Variants in NUMA1 observed in about 807,000 individuals in gnomAD.
NUMA1 encodes nuclear mitotic apparatus protein 1.
NUMA1 carries 62 observed loss-of-function variants against 237.1 expected under a neutral mutation model. The ratio of observed to expected loss-of-function variants is 0.26; its 90% CI spans 0.21 to 0.32. The LOEUF is 0.32. Among genes scored for constraint, NUMA1 ranks in the 10% least tolerant of loss-of-function variants. NUMA1 has a pLI of 1.00. For missense variants in NUMA1, 2,533 were observed against 2,666.5 expected, an observed-to-expected ratio of 0.95 and a Z score of 1.10; for synonymous variants, 1,028 against 1,066.1, an observed-to-expected ratio of 0.96 and a Z score of 0.70.
At chr11:72,079,327 G>C (rs866879612) in intron 1 of NUMA1, among the ~76,000 whole-genome samples, 1 of 152,264 alleles carries the variant, frequency 6.6e-6, no homozygotes, top group Middle Eastern at 3.4e-3. Context: ...CGGATCACGA[G>C]GTCAAGAGTT....
rs1956270927 is a variant in NUMA1 at position 72,013,271 on chromosome 11, G to A, written c.4232C>T (p.Pro1411Leu). 1 of 1,604,736 alleles carries A rather than the reference G, an allele frequency of 6.2e-7. No individual in the cohort carries two copies. The highest frequency in any genetic ancestry group is 8.5e-7 in the Non-Finnish European group (1 of 1,179,802). Residue 1411 changes from proline (P) to leucine (L), a missense_variant, in exon 15 of 27, where the codon CCT becomes CTT. Pro to Leu is a moderately conservative substitution (Grantham distance 98). Coordinates refer to ENST00000393695, the MANE Select transcript of NUMA1 (RefSeq NM_006185.4). The surrounding 1 kb of genome is among the most constrained non-coding windows in gnomAD (Gnocchi z 6.8). ...CTGCTCTGCCACCTTCTGCCGCAGAGGAATCAGCTCCCCAAGCTCCCGCTG... is the reference window on the plus strand; with the variant it reads ...CTGCTCTGCCACCTTCTGCCGCAGAAGAATCAGCTCCCCAAGCTCCCGCTG... ...RAQRELGELI[P>L]LRQKVAEQER...
chr11:72,051,802 C>A (rs1942377452), intron 2 of NUMA1, among the ~76,000 whole-genome samples: 1 of 152,090 alleles, frequency 6.6e-6, no homozygotes, highest in African/African-American at 2.4e-5. Flanking sequence ...AGTTTATAAT[C>A]TTGTAGAGGA....
At chr11:72,077,230 A>T (rs1307097017) in intron 1 of NUMA1, among the ~76,000 whole-genome samples, 1 of 152,244 alleles carries the variant, frequency 6.6e-6, no homozygotes, top group Non-Finnish European at 1.5e-5. Context: ...TTACACAATT[A>T]GTGAAAAGAT....
chr11:72,048,828 GGAT>G (rs1942151448), intron 2 of NUMA1, among the ~76,000 whole-genome samples: 1 of 152,174 alleles, frequency 6.6e-6, no homozygotes, highest in East Asian at 1.9e-4. Context: ...GTACTAGGAG[GGAT>G]GTTGGCAGTG....
In NUMA1 at chr11:72,014,980, T is replaced by G; in HGVS notation, c.2523A>C (p.Glu841Asp). Residue 841 changes from glutamate (E) to aspartate (D), a missense_variant, in exon 15 of 27, where the codon GAA (glutamate) becomes GAC (aspartate). This residue lies in a region of NUMA1 where 1,414 missense variants were observed against 1,508.1 expected (regional missense o/e 0.94). Coordinates refer to ENST00000393695, the MANE Select transcript of NUMA1 (RefSeq NM_006185.4). The surrounding 1 kb of genome is among the most constrained non-coding windows in gnomAD (Gnocchi z 4.6). ...FQEQLMTLKE[E>D]CEKARQELQE... Reference sequence around the variant, plus strand: ...GCAGCTCCTGGCGGGCCTTCTCACATTCCTCCTTCAAAGTCATCAGCTGTT... The same window carrying G: ...GCAGCTCCTGGCGGGCCTTCTCACAGTCCTCCTTCAAAGTCATCAGCTGTT... 5 of 1,613,984 alleles carry G rather than the reference T, an allele frequency of 3.1e-6. No homozygotes were observed. Among genetic ancestry groups the G allele is most frequent in the Non-Finnish European group, 4.2e-6 (5 of 1,179,996 alleles).
intron 1 of NUMA1, among the ~76,000 whole-genome samples, chr11:72,079,400 G>A (rs1484998387): frequency 1.3e-5 from 2 of 152,330 alleles, no homozygotes; most frequent in East Asian, 3.9e-4. Flanking sequence ...AGTTAGCCGG[G>A]TGTGGTAGCG....
chr11:72,056,601 T>C (rs1258663369), intron 2 of NUMA1, among the ~76,000 whole-genome samples: 1 of 131,700 alleles, frequency 7.6e-6, no homozygotes, highest in Non-Finnish European at 1.5e-5. Flanking sequence ...ATTACTGGCA[T>C]GAGCCATCGC....
In NUMA1 at chr11:72,014,606, G is replaced by C; in HGVS notation, c.2897C>G (p.Ala966Gly). 1 of 1,607,302 alleles carries C rather than the reference G, an allele frequency of 6.2e-7. No homozygotes were observed. Among genetic ancestry groups the C allele is most frequent in the Non-Finnish European group, 8.5e-7 (1 of 1,180,006 alleles). ...QGRQFCSTQAALQAMEREAEQ... is the reference protein window; with the variant it reads ...QGRQFCSTQAGLQAMEREAEQ... ...TGCCTCCCGCTCCATAGCCTGCAGC[G>C]CTGCCTGTGTGCTGCAGAACTGGCG... Residue 966 changes from alanine (A) to glycine (G), a missense_variant, in exon 15 of 27, where the codon GCG becomes GGG. Around this residue, in one of 3 missense-constraint regions of NUMA1, gnomAD observed 1,414 missense variants for 1,508.1 expected, o/e 0.94. Coordinates refer to ENST00000393695, the MANE Select transcript of NUMA1 (RefSeq NM_006185.4). This position sits in a 1 kb window ranked among gnomAD's most constrained non-coding sequence, Gnocchi z 4.6.
chr11:72,003,721 T>C, intron 26 of NUMA1, 166 bp downstream of exon 26: 1 of 972,562 alleles, frequency 1.0e-6, no homozygotes, highest in East Asian at 2.6e-5. Flanking sequence ...AATGGGGCCA[T>C]CTGTCTTCTC....
intron 3 of NUMA1, among the ~76,000 whole-genome samples, chr11:72,034,355 T>C (rs758345417): frequency 5.3e-5 from 8 of 152,084 alleles, no homozygotes; most frequent in Non-Finnish European, 8.8e-5. Flanking sequence ...TATTTTTTCA[T>C]GGTGCCAAGA....
intron 2 of NUMA1, among the ~76,000 whole-genome samples, chr11:72,037,725 C>T (rs1236958629): frequency 1.3e-5 from 2 of 152,144 alleles, no homozygotes; most frequent in Non-Finnish European, 2.9e-5. Context: ...AACATGATTC[C>T]ACATGTCATA....
At chr11:72,057,086 AAAAG>A (rs893131179) in intron 2 of NUMA1, among the ~76,000 whole-genome samples, 31 of 152,078 alleles carry the variant, frequency 2.0e-4, no homozygotes, top group Non-Finnish European at 3.1e-4. Flanking sequence ...AAAAAAAAAA[AAAAG>A]AAAGAAAGCA....
intron 4 of NUMA1, among the ~76,000 whole-genome samples, chr11:72,028,149 T>C (rs1939816657): frequency 6.6e-6 from 1 of 152,222 alleles, no homozygotes; most frequent in Non-Finnish European, 1.5e-5. Flanking sequence ...ACCTTGCTGA[T>C]AGAGAACACC....
intron 20 of NUMA1, 24 bp downstream of exon 20, chr11:72,008,664 T>C: frequency 6.2e-7 from 1 of 1,613,434 alleles, no homozygotes; most frequent in Non-Finnish European, 8.5e-7. Context: ...TAAACAGACA[T>C]AGGGAGGAAG....
chr11:72,020,083 G>C (rs1018222337), intron 8 of NUMA1, among the ~76,000 whole-genome samples: 1 of 152,176 alleles, frequency 6.6e-6, no homozygotes, highest in South Asian at 2.1e-4. Flanking sequence ...TTCTCTTTCC[G>C]TGGTTTCCGT....
At chr11:72,053,995 G>A (rs890149592) in intron 2 of NUMA1, among the ~76,000 whole-genome samples, 3 of 152,252 alleles carry the variant, frequency 2.0e-5, no homozygotes, top group African/African-American at 2.4e-5. Context: ...ATTTTATATA[G>A]AGACTTGAGC....
chr11:72,004,920 G>T, intron 23 of NUMA1, 104 bp from the exon 24 acceptor site: 1 of 1,158,654 alleles, frequency 8.6e-7, no homozygotes, highest in Non-Finnish European at 1.2e-6. Flanking sequence ...TTATGGTCGG[G>T]ACCCTTCCTG....
intron 2 of NUMA1, among the ~76,000 whole-genome samples, chr11:72,045,527 G>C (rs1294198659): frequency 6.6e-6 from 1 of 152,172 alleles, no homozygotes; most frequent in African/African-American, 2.4e-5. Flanking sequence ...ACCCAGGCTT[G>C]AGTGCAAGTG....
chr11:72,047,552 G>A (rs1484140365), intron 2 of NUMA1, among the ~76,000 whole-genome samples: 1 of 152,100 alleles, frequency 6.6e-6, no homozygotes, highest in Non-Finnish European at 1.5e-5. Context: ...ATCCCCATGG[G>A]ATGATTCTCA....
Sources: allele counts gnomAD v4.1 joint callset (sites outside exome capture counted in the v4.1 genomes callset), GRCh38; gene constraint gnomAD v4.1.1; regional missense constraint gnomAD v4.1.1; non-coding constraint Gnocchi (gnomAD v3.1); transcripts MANE v1.5; gene names NCBI Gene and HGNC (gene_info 2026-07-23, HGNC 2026-07-21).